Variants in RRM2 observed in about 807,000 individuals in gnomAD.
RRM2 encodes ribonucleoside-diphosphate reductase subunit M2.
In RRM2, 6 loss-of-function variants were observed where a neutral mutation model predicts 45.9. That is an observed-to-expected ratio of 0.13 (90% CI 0.07 to 0.26). RRM2 has a LOEUF of 0.26. RRM2 is among the 10% of genes least tolerant of loss of function. RRM2 has a pLI of 1.00. For synonymous variants in RRM2, 177 were observed against 173.0 expected, an observed-to-expected ratio of 1.02 and a Z score of -0.18; for missense variants, 343 against 489.5, an observed-to-expected ratio of 0.70 and a Z score of 2.82.
Position 10,202,905 on chromosome 2 carries a change from C to T in RRM2, n.483-7406C>T, listed in dbSNP as rs114952901. On this transcript the variant is annotated intron_variant and non_coding_transcript_variant, in intron 3 of 3. Coordinates refer to the RRM2 transcript ENST00000381786. ...GAGGCACTGTTCCCAGCCGTTGGCC[C>T]GTTTTCTAAAGCCACGTCTTCCTCT... 8.9e-3 allele frequency among the ~76,000 whole-genome samples: 1,356 copies of T among 151,916 alleles called. 17 individuals carry two copies. The highest frequency in any genetic ancestry group is 0.031 in the African/African-American group (1,275 of 41,394).
intron 3 of RRM2, among the ~76,000 whole-genome samples, chr2:10,151,313 TTGTAGAC>T (rs1240040079): frequency 3.1e-4 from 7 of 22,884 alleles, no homozygotes; most frequent in African/African-American, 1.9e-3. Context: ...TTTTTTTTTT[TTGTAGAC>T]AGAGTCTTGC....
chr2:10,173,921 G>A (rs946302902), intron 3 of RRM2, among the ~76,000 whole-genome samples: 3 of 152,200 alleles, frequency 2.0e-5, no homozygotes, highest in Non-Finnish European at 4.4e-5. Context: ...GTGCTCCGTG[G>A]GGGGCGTGAT....
intron 5 of RRM2, 64 bp from the exon 6 acceptor site, chr2:10,126,811 C>A: frequency 8.2e-7 from 1 of 1,219,308 alleles, no homozygotes; most frequent in Non-Finnish European, 1.2e-6. Flanking sequence ...TCTTATCTAG[C>A]AGTTGGTAAT....
At chr2:10,141,582 TGTCTGGTCTTGGA>T (rs1230068106) in exon 1 of RRM2, 1 of 464,586 alleles carries the variant, frequency 2.2e-6, no homozygotes, top group African/African-American at 2.0e-5. Context: ...GGAGGCCTGG[TGTCTGGTCTTGGA>T]GTCAAGAATG....
At chr2:10,123,216 C>G (rs1433026933) in intron 2 of RRM2, 159 bp downstream of exon 2, 2 of 1,280,820 alleles carry the variant, frequency 1.6e-6, no homozygotes, top group Non-Finnish European at 1.0e-6. Context: ...CGGCCCATTT[C>G]CCGGTTCGGG....
chr2:10,125,371 G>A (rs1400536724), intron 5 of RRM2, among the ~76,000 whole-genome samples: 1 of 152,170 alleles, frequency 6.6e-6, no homozygotes, highest in Non-Finnish European at 1.5e-5. Context: ...ATTGGAGGTG[G>A]GGGGATTAGA....
intron 3 of RRM2, among the ~76,000 whole-genome samples, chr2:10,161,729 G>C (rs1334722743): frequency 1.3e-5 from 2 of 152,034 alleles, no homozygotes; most frequent in Admixed American, 6.6e-5. Context: ...CGAGGGAAAT[G>C]AACTCACAGG....
intron 3 of RRM2, among the ~76,000 whole-genome samples, chr2:10,158,904 C>A (rs1021623898): frequency 6.6e-6 from 1 of 152,154 alleles, no homozygotes; most frequent in African/African-American, 2.4e-5. Flanking sequence ...CCTGACCCAA[C>A]CTGGGCAGGC....
chr2:10,165,977 A>G (rs1247016564), intron 3 of RRM2, among the ~76,000 whole-genome samples: 1 of 152,134 alleles, frequency 6.6e-6, no homozygotes, highest in East Asian at 1.9e-4. Flanking sequence ...GCCGCATCAG[A>G]GGCTTTTGAA....
intron 3 of RRM2, among the ~76,000 whole-genome samples, chr2:10,208,956 C>T (rs1035123): frequency 1.3e-5 from 2 of 151,914 alleles, no homozygotes; most frequent in Admixed American, 1.3e-4. Flanking sequence ...GTGCTGGATC[C>T]TGCCTGTTCA....
intron 3 of RRM2, among the ~76,000 whole-genome samples, chr2:10,164,099 T>A (rs1663630607): frequency 6.6e-6 from 1 of 152,102 alleles, no homozygotes; most frequent in African/African-American, 2.4e-5. Context: ...AGTGTGTGTG[T>A]GTGGCTGTGT....
chr2:10,144,770 G>A (rs1663154882), intron 3 of RRM2, among the ~76,000 whole-genome samples: 1 of 152,172 alleles, frequency 6.6e-6, no homozygotes, highest in Non-Finnish European at 1.5e-5. Flanking sequence ...CCTGGGAGAG[G>A]CCCCGGTGTC....
At position 10,205,907 on chromosome 2, in the gene RRM2, G is replaced by T. The variant is rs1002129073; in HGVS notation, n.483-4404G>T. Among the ~76,000 whole-genome samples the T allele has an allele frequency of 7.9e-5, 12 of 151,914 alleles. No individual in the cohort carries two copies. Among genetic ancestry groups the T allele is most frequent in the African/African-American group, 2.7e-4 (11 of 41,400 alleles). ...AGGTTTTCACCACGTTGACCAGGCT[G>T]GTCTCGAACTCCTGACCTCATATGA... On this transcript the variant is annotated intron_variant and non_coding_transcript_variant, in intron 3 of 3. Transcript: ENST00000381786. The surrounding 1 kb of genome is among the most constrained non-coding windows in gnomAD (Gnocchi z 4.8).
chr2:10,178,216 G>T (rs1172059470), intron 3 of RRM2, among the ~76,000 whole-genome samples: 20 of 119,946 alleles, frequency 1.7e-4, no homozygotes, highest in African/African-American at 6.0e-5. Context: ...GTGAGCCACC[G>T]TGCAGGCTTT....
chr2:10,171,499 T>A lies in RRM2; in HGVS notation n.482+29124T>A, dbSNP rs1029855099. On this transcript the variant is annotated intron_variant and non_coding_transcript_variant, in intron 3 of 3. Coordinates refer to the RRM2 transcript ENST00000381786. This position sits in a 1 kb window ranked among gnomAD's most constrained non-coding sequence, Gnocchi z 4.1. ...CTGCAATTGTTCCTAAAGAGGGGCC[T>A]GTGGGTCGAGTGAGCTAAGCAGGGC... 2.0e-5 allele frequency among the ~76,000 whole-genome samples: 3 copies of A among 152,178 alleles called. No individual in the cohort carries two copies. Among genetic ancestry groups the A allele is most frequent in the African/African-American group, 7.2e-5 (3 of 41,442 alleles).
At chr2:10,174,676 G>A (rs922343643) in intron 3 of RRM2, among the ~76,000 whole-genome samples, 5 of 151,962 alleles carry the variant, frequency 3.3e-5, no homozygotes, top group Middle Eastern at 7.0e-3. Flanking sequence ...AGACTAGCCT[G>A]GGCAACACAG....
intron 3 of RRM2, among the ~76,000 whole-genome samples, chr2:10,152,452 T>C (rs1305270589): frequency 6.6e-6 from 1 of 151,720 alleles, no homozygotes; most frequent in Non-Finnish European, 1.5e-5. Context: ...TTTTTTCTTT[T>C]ATAGTTTATG....
At chr2:10,157,637 G>A (rs1176698784) in intron 3 of RRM2, among the ~76,000 whole-genome samples, 1 of 152,200 alleles carries the variant, frequency 6.6e-6, no homozygotes, top group African/African-American at 2.4e-5. Context: ...CATTATGCTT[G>A]TGAGACTGTG....
chr2:10,175,854 C>T (rs1433536040), intron 3 of RRM2, among the ~76,000 whole-genome samples: 1 of 152,128 alleles, frequency 6.6e-6, no homozygotes, highest in East Asian at 1.9e-4. Context: ...GATCCACCTG[C>T]CTCAGCCTCC....
Sources: allele counts gnomAD v4.1 joint callset (sites outside exome capture counted in the v4.1 genomes callset), GRCh38; gene constraint gnomAD v4.1.1; non-coding constraint Gnocchi (gnomAD v3.1); transcripts MANE v1.5; gene names NCBI Gene and HGNC (gene_info 2026-07-23, HGNC 2026-07-21).